Variants in PRELID2 observed in about 807,000 individuals in gnomAD.
The protein encoded by PRELID2 is PRELI domain-containing protein 2.
A neutral mutation model predicts 28.4 loss-of-function variants in PRELID2; 25 were observed. The observed-to-expected ratio is 0.88, with a 90% confidence interval of 0.64 to 1.23. The LOEUF is 1.23. Ranked by LOEUF, PRELID2 falls within the 50% of genes most tolerant of loss-of-function variation. The pLI is 0.00. For missense variants in PRELID2, 201 were observed against 214.4 expected, an observed-to-expected ratio of 0.94 and a Z score of 0.39; for synonymous variants, 76 against 71.6, an observed-to-expected ratio of 1.06 and a Z score of -0.31.
chr5:145,336,057 T>C, the PRELID2 span, among the ~76,000 whole-genome samples: 10 of 152,390 alleles, frequency 6.6e-5, no homozygotes, highest in Admixed American at 2.0e-4. Context: ...GTCTTTTGGC[T>C]GCATAAATGT....
chr5:145,258,038 CCATGTAAGGCAACTTTT>C, the PRELID2 span, among the ~76,000 whole-genome samples: 1 of 152,180 alleles, frequency 6.6e-6, no homozygotes, highest in African/African-American at 2.4e-5. Context: ...CCTGCTCCTG[CCATGTAAGGCAACTTTT>C]CTTTCTTTGC....
chr5:145,610,295 TG>T (rs1180968769), intron 1 of PRELID2, among the ~76,000 whole-genome samples: 2 of 152,164 alleles, frequency 1.3e-5, no homozygotes, highest in Non-Finnish European at 2.9e-5. Context: ...GCTTCCTTGA[TG>T]GATCCCAACA....
the PRELID2 span, among the ~76,000 whole-genome samples, chr5:145,232,507 GGAAAA>G: frequency 2.0e-5 from 3 of 152,094 alleles, no homozygotes; most frequent in African/African-American, 7.2e-5. Context: ...GGATGAAGAA[GGAAAA>G]GAAGAGTAAG....
chr5:145,244,857 C>T, the PRELID2 span, among the ~76,000 whole-genome samples: 2 of 152,038 alleles, frequency 1.3e-5, no homozygotes, highest in African/African-American at 4.8e-5. Context: ...CACAGTTCTA[C>T]CTAGAATAAA....
At chr5:145,797,536 G>A (rs1366548209) in intron 4 of PRELID2, among the ~76,000 whole-genome samples, 1 of 152,116 alleles carries the variant, frequency 6.6e-6, no homozygotes, top group Non-Finnish European at 1.5e-5. Flanking sequence ...TCAAAAGCAA[G>A]CATGGTGGCT....
At chr5:145,516,988 C>G (rs1752522817) in intron 1 of PRELID2, among the ~76,000 whole-genome samples, 1 of 152,056 alleles carries the variant, frequency 6.6e-6, no homozygotes, top group African/African-American at 2.4e-5. Flanking sequence ...AAAATTAACC[C>G]AAGATGGATT....
intron 1 of PRELID2, among the ~76,000 whole-genome samples, chr5:145,559,973 T>C (rs1483713966): frequency 1.3e-5 from 2 of 152,138 alleles, no homozygotes; most frequent in Non-Finnish European, 2.9e-5. Context: ...ATAAGATGCA[T>C]TTAATACATT....
chr5:145,385,452 C>T, the PRELID2 span, among the ~76,000 whole-genome samples: 1,140 of 152,286 alleles, frequency 7.5e-3, 11 homozygotes, highest in African/African-American at 0.025. Flanking sequence ...TGTCTTCCAT[C>T]AGAAGCGATA....
Position 145,711,488 on chromosome 5 carries a change from G to A in PRELID2, n.70+53443C>T, listed in dbSNP as rs191208953. On this transcript the variant is annotated intron_variant and non_coding_transcript_variant, in intron 1 of 2. Transcript: ENST00000510259. ...TTGAGTTGTGAAAGGCTAAGTGAGC[G>A]CTATCATGACTGCTCAGTATCTCCA... Among the ~76,000 whole-genome samples, 20 of 152,212 alleles carry A rather than the reference G, an allele frequency of 1.3e-4. No homozygotes were observed. The East Asian group carries it at 1.9e-3, about 15-fold the overall frequency.
chr5:145,775,589 C>T (rs1758361132), intron 5 of PRELID2, among the ~76,000 whole-genome samples: 1 of 152,210 alleles, frequency 6.6e-6, no homozygotes, highest in South Asian at 2.1e-4. Context: ...AAACATTCCA[C>T]AGGGAAGCAT....
At chr5:145,650,043 T>G (rs79899757) in intron 1 of PRELID2, among the ~76,000 whole-genome samples, 1 of 152,134 alleles carries the variant, frequency 6.6e-6, no homozygotes, top group Non-Finnish European at 1.5e-5. Context: ...TGTTTCAAAT[T>G]ATATTGATCC....
intron 1 of PRELID2, among the ~76,000 whole-genome samples, chr5:145,668,313 C>A (rs1050468694): frequency 6.6e-6 from 1 of 151,050 alleles, no homozygotes; most frequent in Non-Finnish European, 1.5e-5. Context: ...CAAATTGAAT[C>A]ATCTGCATAA....
At chr5:145,650,521 CACATATATACATATAT>C (rs796715462) in intron 1 of PRELID2, among the ~76,000 whole-genome samples, 3 of 105,400 alleles carry the variant, frequency 2.8e-5, no homozygotes, top group African/African-American at 1.2e-4. Flanking sequence ...TATCGAATCG[CACATATATACATATAT>C]ATATATATAT....
At chr5:145,830,528 T>C (rs1000769033) in intron 1 of PRELID2, among the ~76,000 whole-genome samples, 1 of 152,182 alleles carries the variant, frequency 6.6e-6, no homozygotes, top group Non-Finnish European at 1.5e-5. Flanking sequence ...GTTCTCTTTG[T>C]AGATGATTTT....
At chr5:145,474,109 G>A (rs1004293109) in intron 1 of PRELID2, among the ~76,000 whole-genome samples, 9 of 152,164 alleles carry the variant, frequency 5.9e-5, no homozygotes, top group East Asian at 1.9e-4. Flanking sequence ...AGAGTGTTAC[G>A]CCCACATGGG....
chr5:145,316,635 T>C, the PRELID2 span, among the ~76,000 whole-genome samples: 2 of 152,312 alleles, frequency 1.3e-5, no homozygotes, highest in Admixed American at 1.3e-4. Flanking sequence ...GTTTTTGCAA[T>C]GGTGAATTCT....
chr5:145,621,612 G>A (rs1753775374), intron 1 of PRELID2, among the ~76,000 whole-genome samples: 1 of 152,128 alleles, frequency 6.6e-6, no homozygotes, highest in Non-Finnish European at 1.5e-5. Flanking sequence ...ACTGATATAT[G>A]GGAGGCAAAA....
At chr5:145,726,573 A>C (rs1056104066) in intron 1 of PRELID2, among the ~76,000 whole-genome samples, 1 of 152,248 alleles carries the variant, frequency 6.6e-6, no homozygotes, top group Non-Finnish European at 1.5e-5. Context: ...AGATAGGCGA[A>C]TATGTACAAG....
At chr5:145,422,304 CGTT>C in the PRELID2 span, among the ~76,000 whole-genome samples, 3,529 of 151,662 alleles carry the variant, frequency 0.023, 53 homozygotes, top group Middle Eastern at 0.034. Context: ...CTTTCTGTCT[CGTT>C]GATGTGTCTA....
Sources: allele counts gnomAD v4.1 joint callset (sites outside exome capture counted in the v4.1 genomes callset), GRCh38; gene constraint gnomAD v4.1.1; transcripts MANE v1.5; gene names NCBI Gene and HGNC (gene_info 2026-07-23, HGNC 2026-07-21).